The following ARHGAP35 variants were observed in gnomAD, a reference collection of about 807,000 sequenced individuals.
ARHGAP35 encodes Rho GTPase activating protein 35, also known as rho GTPase-activating protein 35.
Under a neutral mutation model 111.1 loss-of-function variants are expected in ARHGAP35, and 15 were observed. That is an observed-to-expected ratio of 0.13 (90% CI 0.09 to 0.21). ARHGAP35 has a LOEUF of 0.21. ARHGAP35 is among the 10% of genes least tolerant of loss of function. ARHGAP35 has a pLI of 1.00. For missense variants in ARHGAP35, 1,262 were observed against 1,873.0 expected, an observed-to-expected ratio of 0.67 and a Z score of 6.02; for synonymous variants, 643 against 710.3, an observed-to-expected ratio of 0.91 and a Z score of 1.51.
At position 46,920,482 on chromosome 19, in the gene ARHGAP35, T is replaced by G. The variant is rs200520064; in HGVS notation, c.1807T>G (p.Leu603Val). Reference sequence around the variant, plus strand: ...CATTGATAGAATCAACTTGGTTATATTGGGCAAAGACGGCCTTGCCCGAGA... The same window carrying G: ...CATTGATAGAATCAACTTGGTTATAGTGGGCAAAGACGGCCTTGCCCGAGA... ...PNIDRINLVILGKDGLARELA... is the reference protein window; with the variant it reads ...PNIDRINLVIVGKDGLARELA... Residue 603 changes from leucine (L) to valine (V), a missense_variant, in exon 2 of 7, where the codon TTG becomes GTG. Coordinates refer to ENST00000672722, the MANE Select transcript of ARHGAP35 (RefSeq NM_004491.5). The surrounding 1 kb of genome is among the most constrained non-coding windows in gnomAD (Gnocchi z 7.0). 2.2e-5 allele frequency: 36 copies of G among 1,614,016 alleles called. No individual in the cohort carries two copies. Among genetic ancestry groups the G allele is most frequent in the Non-Finnish European group, 3.1e-5 (36 of 1,179,848 alleles).
rs2056762389 is a variant in ARHGAP35, at chr19:47,003,949, CA to C, written c.*3265del. On this transcript the variant is annotated 3_prime_UTR_variant, in exon 7 of 7. Transcript: ENST00000672722. ...ACACACACACACACACACACACACA[CA>C]AAACTTCACAGCAGGCCAGCTGCAG... 6.6e-6 allele frequency: 1 copy of C among 152,262 alleles called. No homozygotes were observed. The highest frequency in any genetic ancestry group is 2.4e-5 in the African/African-American group (1 of 41,158). The allele number at this position is 152,262 out of a possible 1,614,324, so 9.4% of individuals were successfully genotyped here. A position where few individuals can be genotyped will look rare whatever the true frequency, so the allele number is the denominator to read the frequency against.
chr19:46,904,867 A>C (rs1015149392), intron 1 of ARHGAP35, among the ~76,000 whole-genome samples: 15 of 152,146 alleles, frequency 9.9e-5, no homozygotes, highest in African/African-American at 2.9e-4. Flanking sequence ...GACCCTCCAC[A>C]GACTTGCCCC....
intron 1 of ARHGAP35, among the ~76,000 whole-genome samples, chr19:46,863,913 G>A (rs1189771629): frequency 1.3e-5 from 2 of 152,202 alleles, no homozygotes; most frequent in Non-Finnish European, 2.9e-5. Context: ...CTTCAAAATG[G>A]TGAGGGCTTG....
intron 1 of ARHGAP35, among the ~76,000 whole-genome samples, chr19:46,885,837 G>T (rs779017638): frequency 2.0e-5 from 3 of 151,880 alleles, no homozygotes; most frequent in Non-Finnish European, 2.9e-5. Flanking sequence ...TCACTATGTT[G>T]CCCAGGCTGG....
chr19:46,900,869 C>T (rs984261799), intron 1 of ARHGAP35, among the ~76,000 whole-genome samples: 2 of 152,212 alleles, frequency 1.3e-5, no homozygotes, highest in Middle Eastern at 6.3e-3. Flanking sequence ...CCTTGCCTCC[C>T]TCATGGCTGC....
chr19:46,945,772 T>C lies in ARHGAP35; in HGVS notation c.3826+8364T>C, dbSNP rs574534668. On this transcript the variant is annotated intron_variant, in intron 3 of 6. Coordinates refer to ENST00000672722, the MANE Select transcript of ARHGAP35 (RefSeq NM_004491.5). This position sits in a 1 kb window ranked among gnomAD's most constrained non-coding sequence, Gnocchi z 4.1. ...AGAAATAGCATTCTCTACGCATGCT[T>C]TCTTTGAATAATATGTGAGGCCAGA... Among the ~76,000 whole-genome samples, 85 of 152,296 alleles carry C rather than the reference T, an allele frequency of 5.6e-4. No individual in the cohort carries two copies. The highest frequency in any genetic ancestry group is 2.0e-3 in the African/African-American group (83 of 41,556).
intron 1 of ARHGAP35, among the ~76,000 whole-genome samples, chr19:46,872,410 A>G (rs570733580): frequency 6.6e-6 from 1 of 152,146 alleles, no homozygotes; most frequent in South Asian, 2.1e-4. Flanking sequence ...ATTCAGGGAA[A>G]AAAAGATTAA....
In ARHGAP35 at chr19:46,989,418, C is replaced by T. The variant is rs2056668100; in HGVS notation, c.3905-126C>T. The stretch of plus-strand genomic sequence containing the variant: ...CGCTCACAAGTCCCACCCCTCCAAT[C>T]CTTGCCAGTCCTGAGGCCGTCTCTG... On this transcript the variant is annotated intron_variant, in intron 4 of 6. Transcript: ENST00000672722. The surrounding 1 kb of genome is among the most constrained non-coding windows in gnomAD (Gnocchi z 5.3). 1.3e-5 allele frequency: 17 copies of T among 1,284,942 alleles called. No individual in the cohort carries two copies. The South Asian group carries it at 2.3e-4, about 17-fold the overall frequency. 79.6% of individuals were successfully genotyped at this position (1,284,942 alleles called of 1,614,324 possible). A position where few individuals can be genotyped will look rare whatever the true frequency, so the allele number is the denominator to read the frequency against.
Position 47,000,394 on chromosome 19 carries a change from C to G in ARHGAP35, c.4206C>G (p.Pro1402=). The part of the protein sequence containing the change: ...TSENLSICFW[P]TLMRPDFSTM... ...AGAACCTCTCCATCTGCTTCTGGCC[C>G]ACCTTGATGAGACCTGATTTCAGCA... Residue 1402 remains proline, a synonymous_variant, in exon 7 of 7, where the codon CCC becomes CCG. Coordinates refer to ENST00000672722, the MANE Select transcript of ARHGAP35 (RefSeq NM_004491.5). The surrounding 1 kb of genome is among the most constrained non-coding windows in gnomAD (Gnocchi z 6.9). 6.2e-7 allele frequency: 1 copy of G among 1,613,920 alleles called. No homozygotes were observed. The highest frequency in any genetic ancestry group is 8.5e-7 in the Non-Finnish European group (1 of 1,179,874).
intron 5 of ARHGAP35, among the ~76,000 whole-genome samples, chr19:46,990,597 G>A (rs1209330104): frequency 6.6e-6 from 1 of 152,200 alleles, no homozygotes; most frequent in African/African-American, 2.4e-5. Flanking sequence ...GTGGGGAAGA[G>A]GAAAGGAGAC....
rs781609136 is a variant in ARHGAP35 at position 46,921,835 on chromosome 19, G to A, written c.3160G>A (p.Gly1054Arg). 5 of 1,613,958 alleles carry A rather than the reference G, an allele frequency of 3.1e-6. No homozygotes were observed. The South Asian group carries it at 5.5e-5, about 18-fold the overall frequency. The change falls in exon 2 of 7, where the codon GGG becomes AGG. Residue 1054 changes from glycine (G) to arginine (R), a missense_variant. This residue lies in a region of ARHGAP35 where 579 missense variants were observed against 716.9 expected (regional missense o/e 0.81). Coordinates refer to ENST00000672722, the MANE Select transcript of ARHGAP35 (RefSeq NM_004491.5). This position sits in a 1 kb window ranked among gnomAD's most constrained non-coding sequence, Gnocchi z 4.3. ...TCCTGTCCATTTTGAAATTACAAAG[G>A]GGGATCTATCTTATTTAGACCAAGG... ...KPPVHFEITK[G>R]DLSYLDQGHR... is the part of the protein sequence containing the mutation.
intron 3 of ARHGAP35, among the ~76,000 whole-genome samples, chr19:46,939,328 CT>C (rs1484848724): frequency 6.6e-6 from 1 of 151,568 alleles, no homozygotes; most frequent in Non-Finnish European, 1.5e-5. Flanking sequence ...CTTTATCTGT[CT>C]CTATAAAATG....
intron 2 of ARHGAP35, 71 bp from the exon 3 acceptor site, chr19:46,937,193 C>T (rs1029293898): frequency 2.6e-6 from 4 of 1,563,268 alleles, no homozygotes; most frequent in Non-Finnish European, 3.5e-6. Flanking sequence ...CTTCTGGAAG[C>T]CTTACTGATG....
chr19:46,917,994 G>A (rs117990515), intron 1 of ARHGAP35, among the ~76,000 whole-genome samples: 5,017 of 152,290 alleles, frequency 0.033, 160 homozygotes, highest in East Asian at 0.16. Flanking sequence ...GATTACAGGC[G>A]TAAGCTACCA....
At chr19:46,899,273 G>T (rs981492203) in intron 1 of ARHGAP35, among the ~76,000 whole-genome samples, 4 of 152,178 alleles carry the variant, frequency 2.6e-5, no homozygotes, top group African/African-American at 9.7e-5. Flanking sequence ...AGGCAGGAAT[G>T]CTCATGGCAT....
chr19:46,964,111 A>T, intron 3 of ARHGAP35, among the ~76,000 whole-genome samples: 1 of 149,280 alleles, frequency 6.7e-6, no homozygotes, highest in East Asian at 2.0e-4. Context: ...CAGGTGATCC[A>T]CCCGCCTCAG....
intron 2 of ARHGAP35, among the ~76,000 whole-genome samples, chr19:46,928,153 A>T (rs1201068979): frequency 6.6e-6 from 1 of 152,144 alleles, no homozygotes; most frequent in African/African-American, 2.4e-5. Context: ...AGCCTGAAGA[A>T]CTTCTGTAGT....
chr19:47,001,429 GAA>G lies in ARHGAP35; in HGVS notation c.*744_*745del. 1 of 1,271,516 alleles carries G rather than the reference GAA, an allele frequency of 7.9e-7. No individual in the cohort carries two copies. 78.8% of individuals were successfully genotyped at this position (1,271,516 alleles called of 1,614,324 possible). A position where few individuals can be genotyped will look rare whatever the true frequency, so the allele number is the denominator to read the frequency against. The stretch of plus-strand genomic sequence containing the variant: ...ATTAAAAAGGAAGAAACCACAGAAA[GAA>G]AACTACAGACCTCAAGATTCCACTC... On this transcript the variant is annotated 3_prime_UTR_variant, in exon 7 of 7. Transcript: ENST00000672722. The surrounding 1 kb of genome is among the most constrained non-coding windows in gnomAD (Gnocchi z 5.4).
At chr19:46,938,952 G>A (rs2056328013) in intron 3 of ARHGAP35, among the ~76,000 whole-genome samples, 1 of 152,156 alleles carries the variant, frequency 6.6e-6, no homozygotes, top group Non-Finnish European at 1.5e-5. Context: ...ACTGCGCCTG[G>A]CCTGAAGATA....
Sources: allele counts gnomAD v4.1 joint callset (sites outside exome capture counted in the v4.1 genomes callset), GRCh38; gene constraint gnomAD v4.1.1; regional missense constraint gnomAD v4.1.1; non-coding constraint Gnocchi (gnomAD v3.1); transcripts MANE v1.5; gene names NCBI Gene and HGNC (gene_info 2026-07-23, HGNC 2026-07-21).